ASTN2: variants seen among roughly 807,000 people sequenced by gnomAD.
ASTN2 encodes the protein astrotactin-2.
In ASTN2, 54 loss-of-function variants were observed where a neutral mutation model predicts 139.8. The observed-to-expected ratio is 0.39, with a 90% CI of 0.31 to 0.48. The LOEUF is 0.48. ASTN2 is among the 20% of genes least tolerant of loss of function. The pLI, the probability that ASTN2 is intolerant of heterozygous loss-of-function variation, is 0.95. For synonymous variants in ASTN2, 756 were observed against 719.5 expected (o/e 1.05, Z -0.81); for missense variants, 1,565 against 1,725.1 (o/e 0.91, Z 1.64).
intron 13 of ASTN2, among the ~76,000 whole-genome samples, chr9:116,762,739 C>T (rs570925617): frequency 6.6e-5 from 10 of 152,330 alleles, no homozygotes; most frequent in African/African-American, 2.2e-4. Context: ...GATGGATTGG[C>T]TTCCATGCAA....
At position 116,425,814 on chromosome 9, in the gene ASTN2, G is replaced by T; in HGVS notation, c.*37C>A. The stretch of plus-strand genomic sequence containing the variant: ...AGGAGAATACTGCTCCCCCTCCCAT[G>T]GAGAGTCTCTGTGCTCACGGAGGGC... On this transcript the variant is annotated 3_prime_UTR_variant, in exon 23 of 23. Transcript: ENST00000313400. 5.0e-6 allele frequency: 8 copies of T among 1,608,190 alleles called. No individual in the cohort carries two copies. The highest frequency in any genetic ancestry group is 6.8e-6 in the Non-Finnish European group (8 of 1,176,468).
At chr9:116,686,546 C>T in intron 16 of ASTN2, 1 of 741,278 alleles carries the variant, frequency 1.3e-6, no homozygotes, top group South Asian at 1.7e-5. Context: ...GACTGCAGGT[C>T]GTGGCCAGCC....
At chr9:117,242,855 G>A (rs898752871) in intron 2 of ASTN2, among the ~76,000 whole-genome samples, 7 of 152,230 alleles carry the variant, frequency 4.6e-5, no homozygotes, top group African/African-American at 1.7e-4. Context: ...TCCACTCTGT[G>A]TGTCACCCTC....
At position 116,699,580 on chromosome 9, in the gene ASTN2, G is replaced by A. The variant is rs199704873; in HGVS notation, c.2806+26191C>T. 5.3e-5 allele frequency: 86 copies of A among 1,614,086 alleles called. No homozygotes were observed. Among genetic ancestry groups the A allele is most frequent in the Non-Finnish European group, 6.9e-5 (81 of 1,180,052 alleles). On this transcript the variant is annotated intron_variant, in intron 16 of 22. Transcript: ENST00000313400. The surrounding 1 kb of genome is among the most constrained non-coding windows in gnomAD (Gnocchi z 4.2). Reference sequence around the variant, plus strand: ...GGTGGGGGCTATAGTGTCCTTATTCGAGAGGGACTTACCTGTCCGGTGGGC... The same window carrying A: ...GGTGGGGGCTATAGTGTCCTTATTCAAGAGGGACTTACCTGTCCGGTGGGC...
At chr9:116,713,174 A>C (rs536514077) in intron 16 of ASTN2, among the ~76,000 whole-genome samples, 1 of 152,140 alleles carries the variant, frequency 6.6e-6, no homozygotes, top group African/African-American at 2.4e-5. Flanking sequence ...CACCATCTAT[A>C]TTTGTTAAAT....
chr9:116,533,464 T>G (rs917096405), intron 19 of ASTN2, among the ~76,000 whole-genome samples: 9 of 152,192 alleles, frequency 5.9e-5, no homozygotes, highest in African/African-American at 1.9e-4. Flanking sequence ...TGCTTCCAGT[T>G]TTTGTCTGTT....
intron 22 of ASTN2, among the ~76,000 whole-genome samples, chr9:116,439,499 C>G (rs1420072095): frequency 3.6e-5 from 5 of 139,858 alleles, no homozygotes; most frequent in African/African-American, 1.5e-4. Context: ...CGCGCCCGGC[C>G]TCAAATACAT....
chr9:117,375,895 T>C (rs1587992852), intron 1 of ASTN2, among the ~76,000 whole-genome samples: 2 of 152,254 alleles, frequency 1.3e-5, no homozygotes, highest in East Asian at 1.9e-4. Flanking sequence ...AGAGTTTCAT[T>C]CCTTGTCTCC....
intron 10 of ASTN2, among the ~76,000 whole-genome samples, chr9:116,878,474 C>T (rs1190412569): frequency 6.6e-6 from 1 of 152,156 alleles, no homozygotes; most frequent in East Asian, 1.9e-4. Context: ...ACTGCATGTT[C>T]TCACTTATAA....
At chr9:117,089,534 TA>T (rs916772219) in intron 5 of ASTN2, among the ~76,000 whole-genome samples, 1 of 152,148 alleles carries the variant, frequency 6.6e-6, no homozygotes, top group African/African-American at 2.4e-5. Flanking sequence ...CATTCTTTAT[TA>T]TTTTTTTTCA....
intron 5 of ASTN2, among the ~76,000 whole-genome samples, chr9:117,076,766 C>T (rs1468716610): frequency 2.0e-5 from 3 of 152,126 alleles, no homozygotes; most frequent in Non-Finnish European, 4.4e-5. Context: ...TCATGTGGTC[C>T]AGCCCCATCA....
In ASTN2 at chr9:116,442,477, G is replaced by C; in HGVS notation, c.3574C>G (p.Leu1192Val). ...STVTLRTACP[L>V]VDDNKAEEIA... ...CCTTCTGCCTTGTTGTCATCTACCA[G>C]TGGACAGGCCGTCCTCAGGGTCACC... Residue 1192 changes from leucine to valine, a missense_variant, in exon 21 of 23, where the codon CTG becomes GTG. By Grantham distance (32) the Leu-to-Val change is conservative. Transcript: ENST00000313400. 1 of 1,614,100 alleles carries C rather than the reference G, an allele frequency of 6.2e-7. No individual in the cohort carries two copies. The highest frequency in any genetic ancestry group is 1.3e-5 in the African/African-American group (1 of 74,996).
At chr9:116,770,016 C>A (rs1227984918) in intron 13 of ASTN2, among the ~76,000 whole-genome samples, 1 of 151,146 alleles carries the variant, frequency 6.6e-6, no homozygotes, top group Admixed American at 6.6e-5. Context: ...CACAGCAAGA[C>A]CTTGTCTAAA....
chr9:117,282,262 C>T (rs891609406), intron 2 of ASTN2, among the ~76,000 whole-genome samples: 5 of 152,262 alleles, frequency 3.3e-5, no homozygotes, highest in African/African-American at 1.2e-4. Flanking sequence ...ATGTTTCTGT[C>T]GGTATTTTCT....
intron 5 of ASTN2, among the ~76,000 whole-genome samples, chr9:117,053,669 G>T (rs1838977999): frequency 6.6e-6 from 1 of 152,088 alleles, no homozygotes; most frequent in Non-Finnish European, 1.5e-5. Flanking sequence ...GCAGGTTTAA[G>T]CAACTCTAAG....
chr9:117,302,136 C>T (rs1035558107), intron 1 of ASTN2, among the ~76,000 whole-genome samples: 22 of 152,156 alleles, frequency 1.4e-4, no homozygotes, highest in African/African-American at 5.1e-4. Context: ...AAAAAGGAGG[C>T]AGCAGTCACA....
At chr9:117,074,093 GAA>G (rs66565720) in intron 5 of ASTN2, among the ~76,000 whole-genome samples, 31 of 150,388 alleles carry the variant, frequency 2.1e-4, no homozygotes, top group South Asian at 4.2e-4. Context: ...TTCTATTGAG[GAA>G]AAAAAAAAAG....
chr9:116,743,470 T>G (rs1419645435), intron 13 of ASTN2, among the ~76,000 whole-genome samples: 1 of 152,078 alleles, frequency 6.6e-6, no homozygotes, highest in Non-Finnish European at 1.5e-5. Context: ...GGCAGGAGAA[T>G]GGCGTGAACC....
At chr9:116,802,182 G>C (rs930766640) in intron 13 of ASTN2, among the ~76,000 whole-genome samples, 2 of 150,450 alleles carry the variant, frequency 1.3e-5, no homozygotes, top group East Asian at 4.0e-4. Context: ...CGCCTCCCGG[G>C]TTTACGCCCT....
Sources: allele counts gnomAD v4.1 joint callset (sites outside exome capture counted in the v4.1 genomes callset), GRCh38; gene constraint gnomAD v4.1.1; non-coding constraint Gnocchi (gnomAD v3.1); transcripts MANE v1.5; gene names NCBI Gene and HGNC (gene_info 2026-07-23, HGNC 2026-07-21).